Variants in ZNF676 observed in about 807,000 individuals in gnomAD.
The protein encoded by ZNF676 is zinc finger protein 676.
A neutral mutation model predicts 6.0 loss-of-function variants in ZNF676; 4 were observed. That is an observed-to-expected ratio of 0.67 (90% CI 0.33 to 1.53). The LOEUF (loss-of-function observed/expected upper bound fraction) is 1.53. Ranked by LOEUF, ZNF676 falls within the 40% of genes most tolerant of loss-of-function variation. The pLI, the probability that ZNF676 is intolerant of heterozygous loss-of-function variation, is 0.06. For synonymous variants in ZNF676, 198 were observed against 223.1 expected (o/e 0.89, Z 1.00); for missense variants, 644 against 679.7 (o/e 0.95, Z 0.58).
At chr19:22,224,965 A>G in the ZNF676 span, among the ~76,000 whole-genome samples, 1 of 152,092 alleles carries the variant, frequency 6.6e-6, no homozygotes, top group South Asian at 2.1e-4. Flanking sequence ...ACTACACACC[A>G]GTTTGGGTGA....
chr19:22,209,138 G>T (rs935730474), intron 1 of ZNF676, among the ~76,000 whole-genome samples: 1 of 151,872 alleles, frequency 6.6e-6, no homozygotes, highest in East Asian at 1.9e-4. Flanking sequence ...GGTGGCACAC[G>T]CCTGTAATCC....
intron 1 of ZNF676, among the ~76,000 whole-genome samples, chr19:22,212,495 T>G (rs1325418954): frequency 1.3e-5 from 2 of 151,594 alleles, no homozygotes; most frequent in Admixed American, 1.3e-4. Flanking sequence ...GAGGTCAGAA[T>G]TTTGAGCTCA....
chr19:22,239,727 G>A, the ZNF676 span, among the ~76,000 whole-genome samples: 1 of 152,150 alleles, frequency 6.6e-6, no homozygotes, highest in East Asian at 1.9e-4. Flanking sequence ...TTTGGGTGCT[G>A]GGCTCAGAGT....
intron 1 of ZNF676, among the ~76,000 whole-genome samples, chr19:22,209,928 T>G (rs1490976632): frequency 6.6e-6 from 1 of 152,204 alleles, no homozygotes; most frequent in Non-Finnish European, 1.5e-5. Flanking sequence ...GTAAAATTCC[T>G]GAGGGTGGTG....
chr19:22,229,045 C>A, the ZNF676 span, among the ~76,000 whole-genome samples: 2 of 152,130 alleles, frequency 1.3e-5, no homozygotes, highest in African/African-American at 2.4e-5. Flanking sequence ...ATTGCCAAGA[C>A]AATCCTAAAC....
rs573972890 is a variant in ZNF676 at position 22,212,920 on chromosome 19, G to A, written c.3+2712C>T. ...TGCGGCAGAAGAATTGCTTTAATCC[G>A]GGAGGCGGAGGTTACAGTGAGCAGA... is the stretch of plus-strand genomic sequence containing the variant. On this transcript the variant is annotated intron_variant, in intron 1 of 3. Transcript: ENST00000650058. Among the ~76,000 whole-genome samples the A allele has an allele frequency of 1.8e-4, 27 of 151,948 alleles. No homozygotes were observed. The East Asian group carries it at 2.9e-3, about 16-fold the overall frequency.
the ZNF676 span, among the ~76,000 whole-genome samples, chr19:22,255,308 TGTCA>T: frequency 6.6e-6 from 1 of 152,180 alleles, no homozygotes; most frequent in South Asian, 2.1e-4. Flanking sequence ...TCTTTACTAT[TGTCA>T]GGGTGCGCAC....
intron 1 of ZNF676, among the ~76,000 whole-genome samples, chr19:22,206,605 T>G (rs529190507): frequency 1.5e-4 from 23 of 151,396 alleles, no homozygotes; most frequent in Middle Eastern, 3.4e-3. Context: ...AACCTGGGAG[T>G]CAGAGGTTGC....
In ZNF676 at chr19:22,180,925, G is replaced by A. The variant is rs375422919; in HGVS notation, c.792C>T (p.Ser264=). Residue 264 remains serine (S), a synonymous_variant, in exon 3 of 3, where the codon AGC becomes AGT. Coordinates refer to ENST00000397121, the MANE Select transcript of ZNF676 (RefSeq NM_001001411.3). ...CCTTATGTGTATTAAGGGTTGAGAC[G>A]CTACTAAATCCTTTGCCACATTCTT... ...KCEECGKGFS[S]VSTLNTHKAI... 1.2e-5 allele frequency: 8 copies of A among 656,430 alleles called. No individual in the cohort carries two copies. The highest frequency in any genetic ancestry group is 1.5e-5 in the Non-Finnish European group (8 of 522,908). The allele number at this position is 656,430 out of a possible 1,614,324, so 40.7% of individuals were successfully genotyped here. A position where few individuals can be genotyped will look rare whatever the true frequency, so the allele number is the denominator to read the frequency against.
At chr19:22,229,136 T>C in the ZNF676 span, among the ~76,000 whole-genome samples, 36 of 152,202 alleles carry the variant, frequency 2.4e-4, 1 homozygote, top group East Asian at 5.8e-3. Context: ...CAGCATGGTA[T>C]TGGTATCAAA....
upstream of ZNF676, among the ~76,000 whole-genome samples, chr19:22,218,335 T>G (rs751265256): frequency 6.6e-6 from 1 of 151,966 alleles, no homozygotes; most frequent in Non-Finnish European, 1.5e-5. Context: ...GATACTTTTT[T>G]TTTATTTTTA....
rs566378841 is a variant in ZNF676, at chr19:22,180,736, G to T, written c.981C>A (p.His327Gln). ...AFSWSSSLTEHKRIHAGEKPY... is the reference protein window; with the variant it reads ...AFSWSSSLTEQKRIHAGEKPY... Reference sequence around the variant, plus strand: ...GTTTCTCTCCAGCATGAATTCTCTTGTGTTCAGTAAGGCTTGAGGACCAGC... The same window carrying T: ...GTTTCTCTCCAGCATGAATTCTCTTTTGTTCAGTAAGGCTTGAGGACCAGC... Residue 327 changes from histidine (H) to glutamine (Q), a missense_variant, in exon 3 of 3, where the codon CAC becomes CAA. Around this residue, in one of 5 missense-constraint regions of ZNF676, gnomAD observed 29 missense variants for 44.4 expected, o/e 0.65. Transcript: ENST00000397121. The T allele has an allele frequency of 6.2e-7, 1 of 1,611,170 alleles. No homozygotes were observed. The highest frequency in any genetic ancestry group is 1.3e-5 in the African/African-American group (1 of 74,292).
the ZNF676 span, among the ~76,000 whole-genome samples, chr19:22,237,932 G>GT: frequency 6.6e-6 from 1 of 152,166 alleles, no homozygotes; most frequent in African/African-American, 2.4e-5. Flanking sequence ...CATAATAAGA[G>GT]TTTGTGTGTG....
chr19:22,242,851 G>C, the ZNF676 span, among the ~76,000 whole-genome samples: 1 of 151,344 alleles, frequency 6.6e-6, no homozygotes, highest in South Asian at 2.1e-4. Flanking sequence ...GTTGGGGGGG[G>C]GCTCTCATGA....
intron 2 of ZNF676, among the ~76,000 whole-genome samples, chr19:22,188,123 G>A (rs2023862684): frequency 6.6e-6 from 1 of 152,028 alleles, no homozygotes; most frequent in African/African-American, 2.4e-5. Context: ...ATAAAATACT[G>A]GTAAACCGAA....
the ZNF676 span, among the ~76,000 whole-genome samples, chr19:22,241,496 T>C: frequency 2.6e-5 from 4 of 151,798 alleles, no homozygotes; most frequent in Admixed American, 2.6e-4. Flanking sequence ...TGCCTCTGAG[T>C]GGGAGATTCA....
chr19:22,230,049 G>A, the ZNF676 span, among the ~76,000 whole-genome samples: 1 of 152,136 alleles, frequency 6.6e-6, no homozygotes. Context: ...ACATGCACAC[G>A]TATGTTTGTT....
the ZNF676 span, among the ~76,000 whole-genome samples, chr19:22,232,595 C>A: frequency 5.3e-5 from 8 of 151,964 alleles, no homozygotes; most frequent in Non-Finnish European, 1.0e-4. Flanking sequence ...GAGAACACTC[C>A]TCAACAATAT....
intron 2 of ZNF676, 84 bp downstream of exon 2, chr19:22,192,932 C>T: frequency 7.3e-7 from 1 of 1,367,240 alleles, no homozygotes; most frequent in Non-Finnish European, 9.7e-7. Flanking sequence ...TTTTGGAACA[C>T]AGCTTCCCAA....
Sources: allele counts gnomAD v4.1 joint callset (sites outside exome capture counted in the v4.1 genomes callset), GRCh38; gene constraint gnomAD v4.1.1; regional missense constraint gnomAD v4.1.1; transcripts MANE v1.5; gene names NCBI Gene and HGNC (gene_info 2026-07-23, HGNC 2026-07-21).